Variants in CCNA2 observed in about 807,000 individuals in gnomAD.
CCNA2 encodes the protein cyclin-A2.
A neutral mutation model predicts 49.4 loss-of-function variants in CCNA2; 3 were observed. That is an observed-to-expected ratio of 0.06 (90% confidence interval 0.03 to 0.16). CCNA2 has a LOEUF of 0.16. Ranked by LOEUF, CCNA2 falls within the 10% of genes least tolerant of loss-of-function variation. The pLI, the probability that CCNA2 is intolerant of heterozygous loss-of-function variation, is 1.00. For synonymous variants in CCNA2, 206 were observed against 197.2 expected, an observed-to-expected ratio of 1.04 and a Z score of -0.37; for missense variants, 372 against 519.7, an observed-to-expected ratio of 0.72 and a Z score of 2.76.
In CCNA2 at chr4:121,818,830, T is replaced by A; in HGVS notation, c.1086A>T (p.Leu362Phe). Residue 362 changes from leucine to phenylalanine, a missense_variant, in exon 6 of 8, where the codon TTA (leucine) becomes TTT (phenylalanine). Transcript: ENST00000274026. ...TTTGTCCCGTGACTGTGTAGAGTGC[T>A]AAATGAAAGGCAGCTCCAGCAATAA... ...PSVIAGAAFHLALYTVTGQSW... is the reference protein window; with the variant it reads ...PSVIAGAAFHFALYTVTGQSW... 6.2e-7 allele frequency: 1 copy of A among 1,613,436 alleles called. No homozygotes were observed.
At position 121,820,631 on chromosome 4, in the gene CCNA2, A is replaced by T; in HGVS notation, c.705T>A (p.Ala235=). The T allele has an allele frequency of 6.2e-7, 1 of 1,614,192 alleles. No homozygotes were observed. The highest frequency in any genetic ancestry group is 8.5e-7 in the Non-Finnish European group (1 of 1,179,984). Residue 235 remains alanine (A), a synonymous_variant, in exon 4 of 8, where the codon GCT becomes GCA. Transcript: ENST00000274026. The surrounding 1 kb of genome is among the most constrained non-coding windows in gnomAD (Gnocchi z 4.1). ...ACAGGAACCTATCAATGTAGTTCAC[A>T]GCCAAATGCAGGGTCTCATTCTGTA... ...YKLQNETLHL[A]VNYIDRFLSS...
chr4:121,819,361 A>C lies in CCNA2; in HGVS notation c.1002+11T>G. On this transcript the variant is annotated intron_variant, in intron 5 of 7. Coordinates refer to ENST00000274026, the MANE Select transcript of CCNA2 (RefSeq NM_001237.5). ...AAGAATCACCATTCAACAAAATGAA[A>C]GTTAACTCACCATTGCTAAACTTTC... 6.2e-7 allele frequency: 1 copy of C among 1,603,436 alleles called. No homozygotes were observed. The highest frequency in any genetic ancestry group is 8.5e-7 in the Non-Finnish European group (1 of 1,170,476).
intron 6 of CCNA2, 28 bp downstream of exon 6, chr4:121,818,772 A>G (rs1402523163): frequency 7.8e-7 from 1 of 1,282,280 alleles, no homozygotes; most frequent in Non-Finnish European, 1.1e-6. Context: ...CAGTCACAAG[A>G]TAGGTGTGTG....
Position 121,821,073 on chromosome 4 carries a change from T to C in CCNA2, c.476A>G (p.Asp159Gly), listed in dbSNP as rs1225761154. 10 of 1,613,014 alleles carry C rather than the reference T, an allele frequency of 6.2e-6. No homozygotes were observed. In the Admixed American group the frequency reaches 1.7e-4, roughly 27 times the overall value. The part of the protein sequence containing the change: ...DGSFESPHTM[D>G]MSIILEDEKP... ...TTCATCTTCTAATATAATTGACATG[T>C]CCATAGTATGTGGTGACTCTGGGAC... The change falls in exon 3 of 8, where the codon GAC (aspartate) becomes GGC (glycine). Residue 159 changes from aspartate to glycine, a missense_variant. By Grantham distance (94) the Asp-to-Gly change is moderately conservative (BLOSUM62 -1). Transcript: ENST00000274026.
At chr4:121,818,730 G>A (rs1724615098) in intron 6 of CCNA2, 70 bp downstream of exon 6, 1 of 979,216 alleles carries the variant, frequency 1.0e-6, no homozygotes, top group Non-Finnish European at 1.6e-6. Flanking sequence ...AGTTTTGTAG[G>A]ACAATTATTA....
chr4:121,820,839 T>C lies in CCNA2; in HGVS notation c.571-74A>G. 1 of 1,264,250 alleles carries C rather than the reference T, an allele frequency of 7.9e-7. No homozygotes were observed. Among genetic ancestry groups the C allele is most frequent in the Non-Finnish European group, 1.1e-6 (1 of 885,892 alleles). The allele number at this position is 1,264,250 out of a possible 1,614,324, so 78.3% of individuals were successfully genotyped here. The stretch of plus-strand genomic sequence containing the variant: ...TGCAATTAGATTATTTTACCATTAA[T>C]TACGAGAGGCTACATGCTATAAACT... On this transcript the variant is annotated intron_variant, in intron 3 of 7. Coordinates refer to ENST00000274026, the MANE Select transcript of CCNA2 (RefSeq NM_001237.5). This position sits in a 1 kb window ranked among gnomAD's most constrained non-coding sequence, Gnocchi z 4.1.
Position 121,818,804 on chromosome 4 carries a change from C to G in CCNA2, c.1112G>C (p.Ser371Thr), listed in dbSNP as rs780748760. 9 of 1,600,200 alleles carry G rather than the reference C, an allele frequency of 5.6e-6. No individual in the cohort carries two copies. In the South Asian group the frequency reaches 9.9e-5, roughly 18 times the overall value. ...HLALYTVTGQ[S>T]WPESLIRKTG... ...TGTGAAGACCGTAATACATACCCAG[C>G]TTTGTCCCGTGACTGTGTAGAGTGC... Residue 371 changes from serine to threonine, a missense_variant, in exon 6 of 8, where the codon AGC becomes ACC. By Grantham distance (58) the Ser-to-Thr change is moderately conservative. This residue lies in a region of CCNA2 where 155 missense variants were observed against 288.1 expected (regional missense o/e 0.54). Transcript: ENST00000274026.
At position 121,816,644 on chromosome 4, in the gene CCNA2, C is replaced by A. The variant is rs1358204446; in HGVS notation, c.*994G>T. 1 of 980,894 alleles carries A rather than the reference C, an allele frequency of 1.0e-6. No homozygotes were observed. The highest frequency in any genetic ancestry group is 1.5e-6 in the Non-Finnish European group (1 of 689,248). 60.8% of individuals were successfully genotyped at this position (980,894 alleles called of 1,614,324 possible). On this transcript the variant is annotated 3_prime_UTR_variant, in exon 8 of 8. Transcript: ENST00000274026. ...GGACCTAAATCTATAATATAAACTT[C>A]TTGGATGCCAGTCTTACTCATAGCT...
In CCNA2 at chr4:121,816,873, T is replaced by G. The variant is rs1387455718; in HGVS notation, c.*765A>C. 1.3e-6 allele frequency: 2 copies of G among 1,544,580 alleles called. No homozygotes were observed. The highest frequency in any genetic ancestry group is 1.4e-5 in the African/African-American group (1 of 71,448). On this transcript the variant is annotated 3_prime_UTR_variant, in exon 8 of 8. Transcript: ENST00000274026. Reference sequence around the variant, plus strand: ...GCCAATTAAAGCTAACAGTTGTATATCTGTATATATAACTATTAAAAGGGA... The same window carrying G: ...GCCAATTAAAGCTAACAGTTGTATAGCTGTATATATAACTATTAAAAGGGA...
Position 121,820,406 on chromosome 4 carries a change from A to G in CCNA2, c.794+136T>C. 3.2e-6 allele frequency: 2 copies of G among 627,442 alleles called. No individual in the cohort carries two copies. The highest frequency in any genetic ancestry group is 2.8e-6 in the Non-Finnish European group (1 of 351,606). The allele number at this position is 627,442 out of a possible 1,614,324, so 38.9% of individuals were successfully genotyped here. On this transcript the variant is annotated intron_variant, in intron 4 of 7. Transcript: ENST00000274026. The surrounding 1 kb of genome is among the most constrained non-coding windows in gnomAD (Gnocchi z 4.1). Reference sequence around the variant, plus strand: ...AGTTTCATCCTCCTCCACTGCCCTAAGCCCCAGCACATTGCCATCCCTAAA... The same window carrying G: ...AGTTTCATCCTCCTCCACTGCCCTAGGCCCCAGCACATTGCCATCCCTAAA...
Position 121,817,385 on chromosome 4 carries a change from A to G in CCNA2, c.*253T>C, listed in dbSNP as rs1560630646. ...TTGACTTGCAAAGTTTTCCAAATCA[A>G]TTTATTATCCTGACAGCTGGCATCA... On this transcript the variant is annotated 3_prime_UTR_variant, in exon 8 of 8. Coordinates refer to ENST00000274026, the MANE Select transcript of CCNA2 (RefSeq NM_001237.5). 8.2e-6 allele frequency: 3 copies of G among 365,098 alleles called. No homozygotes were observed. Among genetic ancestry groups the G allele is most frequent in the South Asian group, 1.5e-4 (2 of 13,588 alleles). 22.6% of individuals were successfully genotyped at this position (365,098 alleles called of 1,614,324 possible).
Position 121,818,879 on chromosome 4 carries a change from G to A in CCNA2, c.1037C>T (p.Pro346Leu). ...AACTGATGGCAAATACTTGAGGTATGGGTCAGCATCTATCAAACTTAATTC... is the reference window on the plus strand; with the variant it reads ...AACTGATGGCAAATACTTGAGGTATAGGTCAGCATCTATCAAACTTAATTC... ...LGELSLIDAD[P>L]YLKYLPSVIA... The change falls in exon 6 of 8, where the codon CCA (proline) becomes CTA (leucine). Residue 346 changes from proline to leucine, a missense_variant. Physicochemically the swap from Pro to Leu is moderately conservative, Grantham distance 98 (BLOSUM62 -3). Transcript: ENST00000274026. 1 of 1,613,066 alleles carries A rather than the reference G, an allele frequency of 6.2e-7. No individual in the cohort carries two copies. Among genetic ancestry groups the A allele is most frequent in the Non-Finnish European group, 8.5e-7 (1 of 1,179,046 alleles).
At chr4:121,818,660 T>C (rs1724612630) in intron 6 of CCNA2, 140 bp downstream of exon 6, 1 of 618,604 alleles carries the variant, frequency 1.6e-6, no homozygotes, top group East Asian at 2.7e-5. Flanking sequence ...ACCTGTGTTT[T>C]TCAAAGGTCA....
At position 121,817,573 on chromosome 4, in the gene CCNA2, TAAA is replaced by T; in HGVS notation, c.*62_*64del. 1 of 1,588,454 alleles carries T rather than the reference TAAA, an allele frequency of 6.3e-7. No individual in the cohort carries two copies. The highest frequency in any genetic ancestry group is 1.4e-5 in the African/African-American group (1 of 73,866). On this transcript the variant is annotated 3_prime_UTR_variant, in exon 8 of 8. Transcript: ENST00000274026. The stretch of plus-strand genomic sequence containing the variant: ...ATGATTGTAAAATTAAAACCTAAGT[TAAA>T]AACTGTACACCATATACTTTGAGTG...
rs1306818140 is a variant in CCNA2, at chr4:121,820,378, A to C, written c.794+164T>G. On this transcript the variant is annotated intron_variant, in intron 4 of 7. Transcript: ENST00000274026. The surrounding 1 kb of genome is among the most constrained non-coding windows in gnomAD (Gnocchi z 4.1). ...GGGGAAAATTAGTGTTCTAGATTAG[A>C]ACAGTTTCATCCTCCTCCACTGCCC... 6.6e-6 allele frequency among the ~76,000 whole-genome samples: 1 copy of C among 152,170 alleles called. No individual in the cohort carries two copies. The highest frequency in any genetic ancestry group is 1.5e-5 in the Non-Finnish European group (1 of 68,036).
In CCNA2 at chr4:121,823,618, T is replaced by C. The variant is rs1313308932; in HGVS notation, c.11A>G (p.Asn4Ser). 6.3e-6 allele frequency: 10 copies of C among 1,591,910 alleles called. No individual in the cohort carries two copies. The South Asian group carries it at 6.8e-5, about 11-fold the overall frequency. ...GCGGGTCGCAGGCCCCGGCGCAGAG[T>C]TGCCCAACATCACTGCTCCCGGGAG... Reference protein sequence around the residue: MLGNSAPGPATREA... With the variant: MLGSSAPGPATREA... The change falls in exon 1 of 8, where the codon AAC (asparagine) becomes AGC (serine). Residue 4 changes from asparagine (N) to serine (S), a missense_variant. Around this residue, in one of 2 missense-constraint regions of CCNA2, gnomAD observed 217 missense variants for 231.7 expected, o/e 0.94. Coordinates refer to ENST00000274026, the MANE Select transcript of CCNA2 (RefSeq NM_001237.5).
In CCNA2 at chr4:121,816,833, AAAAAGAAGAG is replaced by A. The variant is rs1724534631; in HGVS notation, c.*795_*804del. 6.3e-7 allele frequency: 1 copy of A among 1,597,350 alleles called. No homozygotes were observed. Among genetic ancestry groups the A allele is most frequent in the African/African-American group, 1.3e-5 (1 of 74,136 alleles). ...AAGTAAAAAGCCAGTGAAAAGAAGA[AAAAAGAAGAG>A]AGCTGCCAATTAAAGCTAACAGTTG... On this transcript the variant is annotated 3_prime_UTR_variant, in exon 8 of 8. Transcript: ENST00000274026.
intron 5 of CCNA2, 102 bp from the exon 6 acceptor site, chr4:121,819,015 T>C: frequency 1.4e-6 from 1 of 691,780 alleles, no homozygotes; most frequent in Admixed American, 2.4e-5. Context: ...AACGGCTCTG[T>C]AGCAACTCTA....
chr4:121,821,220 C>G, intron 2 of CCNA2, 129 bp from the exon 3 acceptor site: 1 of 1,146,208 alleles, frequency 8.7e-7, no homozygotes, highest in East Asian at 2.7e-5. Context: ...AAGAGCTTCT[C>G]ATGACAAAAT....
Sources: allele counts gnomAD v4.1 joint callset (sites outside exome capture counted in the v4.1 genomes callset), GRCh38; gene constraint gnomAD v4.1.1; regional missense constraint gnomAD v4.1.1; non-coding constraint Gnocchi (gnomAD v3.1); transcripts MANE v1.5; gene names NCBI Gene and HGNC (gene_info 2026-07-23, HGNC 2026-07-21).